SCAF4: variants seen among roughly 807,000 people sequenced by gnomAD.
SCAF4 encodes SR-related CTD associated factor 4.
In SCAF4, 25 loss-of-function variants were observed where a neutral mutation model predicts 129.8. The ratio of observed to expected loss-of-function variants is 0.19; its 90% CI spans 0.14 to 0.27. SCAF4 has a LOEUF of 0.27. SCAF4 is among the 10% of genes least tolerant of loss of function. SCAF4 has a pLI of 1.00. For missense variants in SCAF4, 1,246 were observed against 1,457.1 expected, an observed-to-expected ratio of 0.86 and a Z score of 2.36; for synonymous variants, 551 against 497.7, an observed-to-expected ratio of 1.11 and a Z score of -1.43.
At chr21:31,674,779 A>G (rs972484024) in intron 19 of SCAF4, among the ~76,000 whole-genome samples, 2 of 152,210 alleles carry the variant, frequency 1.3e-5, no homozygotes, top group African/African-American at 2.4e-5. Context: ...TGAGTTTTCT[A>G]AAGTTATAAA....
At chr21:31,682,193 A>C (rs995613695) in intron 19 of SCAF4, among the ~76,000 whole-genome samples, 21 of 152,154 alleles carry the variant, frequency 1.4e-4, no homozygotes, top group Non-Finnish European at 2.4e-4. Context: ...ATCCTGGCCA[A>C]CATGGTGAAA....
At chr21:31,686,241 G>GA (rs1237733319) in intron 16 of SCAF4, among the ~76,000 whole-genome samples, 2 of 144,832 alleles carry the variant, frequency 1.4e-5, no homozygotes, top group Non-Finnish European at 3.0e-5. Context: ...AGGAAAGAAA[G>GA]AAAGAAATCA....
Position 31,701,905 on chromosome 21 carries a change from A to G in SCAF4, c.471T>C (p.Pro157=). 1 of 1,613,720 alleles carries G rather than the reference A, an allele frequency of 6.2e-7. No homozygotes were observed. Among genetic ancestry groups the G allele is most frequent in the South Asian group, 1.1e-5 (1 of 91,008 alleles). Residue 157 remains proline, a synonymous_variant, in exon 6 of 20, where the codon CCT becomes CCC. Transcript: ENST00000286835. ...NVTNNEGSPP[P]PVKVSSEPPT... ...GAGGTTCAGAAGAAACTTTTACTGG[A>G]GGTGGAGGTGAGCCTAAAAAAGAAA... is the stretch of plus-strand genomic sequence containing the variant.
In SCAF4 at chr21:31,696,659, G is replaced by A. The variant is rs1276826578; in HGVS notation, c.869C>T (p.Pro290Leu). The A allele has an allele frequency of 6.2e-7, 1 of 1,613,886 alleles. No individual in the cohort carries two copies. The highest frequency in any genetic ancestry group is 1.3e-5 in the African/African-American group (1 of 74,930). ...GGGTGCAGGGGGTACTGCGGCAGCA[G>A]GTGCTGTCGTGGTGACGGCAGTGGT... ...EDTTAVTTTA[P>L]AAAVPPAPTA... The change falls in exon 8 of 20, where the codon CCT becomes CTT. Residue 290 changes from proline to leucine, a missense_variant. Pro to Leu is a moderately conservative substitution (Grantham distance 98). This residue lies in a region of SCAF4 where 236 missense variants were observed against 210.0 expected (regional missense o/e 1.12). Transcript: ENST00000286835.
chr21:31,672,006 T>TGCTGCGGCG lies in SCAF4; in HGVS notation c.2828_2836dup (p.Pro943_Gln945dup). ...CTGCGGCTGTGGCTGCTGCTGTGGCTGCTGCGGCGGCTGTTGCCTTCCGTC... is the reference window on the plus strand; with the variant it reads ...CTGCGGCTGTGGCTGCTGCTGTGGCTGCTGCGGCGGCTGCGGCGGCTGTTGCCTTCCGTC... On this transcript the variant is annotated inframe_insertion, in exon 20 of 20. Transcript: ENST00000286835. 1 of 1,612,466 alleles carries TGCTGCGGCG rather than the reference T, an allele frequency of 6.2e-7. No individual in the cohort carries two copies. Among genetic ancestry groups the TGCTGCGGCG allele is most frequent in the Non-Finnish European group, 8.5e-7 (1 of 1,178,920 alleles).
At chr21:31,731,409 G>A (rs901102827) in intron 1 of SCAF4, among the ~76,000 whole-genome samples, 1 of 152,212 alleles carries the variant, frequency 6.6e-6, no homozygotes, top group African/African-American at 2.4e-5. Flanking sequence ...ATGGGAGGCC[G>A]CAAGGGGGCG....
At chr21:31,674,949 G>A (rs1568820145) in intron 19 of SCAF4, among the ~76,000 whole-genome samples, 1 of 152,194 alleles carries the variant, frequency 6.6e-6, no homozygotes, top group Non-Finnish European at 1.5e-5. Context: ...GTATAGAGGT[G>A]GGACTCATAA....
At position 31,685,101 on chromosome 21, in the gene SCAF4, A is replaced by G. The variant is rs2050085866; in HGVS notation, c.2436T>C (p.Ala812=). 1 of 1,613,208 alleles carries G rather than the reference A, an allele frequency of 6.2e-7. No homozygotes were observed. Among genetic ancestry groups the G allele is most frequent in the Non-Finnish European group, 8.5e-7 (1 of 1,179,876 alleles). The change falls in exon 19 of 20, where the codon GCT becomes GCC. Residue 812 remains alanine (A), a synonymous_variant. Transcript: ENST00000286835. The part of the protein sequence containing the change: ...VKMYGSAVPP[A]APTNLPTPPV... ...GAGGGGTGGGCAGATTCGTGGGTGC[A>G]GCAGGTGGCACGGCAGAGCCATACA...
At position 31,701,026 on chromosome 21, in the gene SCAF4, G is replaced by C; in HGVS notation, c.746C>G (p.Pro249Arg). Residue 249 changes from proline to arginine, a missense_variant, in exon 7 of 20, where the codon CCC (proline) becomes CGC (arginine). This residue lies in a region of SCAF4 where 143 missense variants were observed against 161.0 expected (regional missense o/e 0.89). Transcript: ENST00000286835. ...TQPSEQKAAFPPPEQKTAFDK... is the reference protein window; with the variant it reads ...TQPSEQKAAFRPPEQKTAFDK... ...AAATGCAGTTTTCTGTTCAGGTGGG[G>C]GGAAAGCAGCTTTTTGTTCAGATGG... 1 of 1,614,080 alleles carries C rather than the reference G, an allele frequency of 6.2e-7. No homozygotes were observed. The highest frequency in any genetic ancestry group is 8.5e-7 in the Non-Finnish European group (1 of 1,180,006).
At position 31,672,056 on chromosome 21, in the gene SCAF4, T is replaced by TGGCCCTGGGCCC. The variant is rs1441187943; in HGVS notation, c.2775_2786dup (p.Pro929_Gly932dup). 1.9e-6 allele frequency: 3 copies of TGGCCCTGGGCCC among 1,613,408 alleles called. No individual in the cohort carries two copies. Among genetic ancestry groups the TGGCCCTGGGCCC allele is most frequent in the Non-Finnish European group, 1.7e-6 (2 of 1,179,608 alleles). Reference sequence around the variant, plus strand: ...CTCTGTCTTCAGGACCCCCTGGGCCTGGCCCTGGGCCCCCGAGCCCTGGCA... The same window carrying TGGCCCTGGGCCC: ...CTCTGTCTTCAGGACCCCCTGGGCCTGGCCCTGGGCCCGGCCCTGGGCCCCCGAGCCCTGGCA... On this transcript the variant is annotated inframe_insertion, in exon 20 of 20. Transcript: ENST00000286835.
At chr21:31,707,505 T>C (rs929619643) in intron 1 of SCAF4, among the ~76,000 whole-genome samples, 3 of 152,222 alleles carry the variant, frequency 2.0e-5, no homozygotes, top group African/African-American at 7.2e-5. Flanking sequence ...GTTATAAAGA[T>C]AAAATCCTGA....
chr21:31,728,646 G>C (rs1031358769), intron 1 of SCAF4, among the ~76,000 whole-genome samples: 15 of 152,048 alleles, frequency 9.9e-5, no homozygotes, highest in African/African-American at 3.6e-4. Flanking sequence ...TATTAAATTA[G>C]ATATGTGTAC....
In SCAF4 at chr21:31,692,373, C is replaced by G; in HGVS notation, c.1590G>C (p.Glu530Asp). ...TQQDVASLLEEFGPIESINMI... is the reference protein window; with the variant it reads ...TQQDVASLLEDFGPIESINMI... Reference sequence around the variant, plus strand: ...CATTAATTGATTCAATTGGACCAAACTCTTCCAAGAGACTGGCAACATCCT... The same window carrying G: ...CATTAATTGATTCAATTGGACCAAAGTCTTCCAAGAGACTGGCAACATCCT... Residue 530 changes from glutamate (E) to aspartate (D), a missense_variant, in exon 13 of 20, where the codon GAG (glutamate) becomes GAC (aspartate). Physicochemically the swap from Glu to Asp is conservative, Grantham distance 45. Transcript: ENST00000286835. 1 of 1,613,890 alleles carries G rather than the reference C, an allele frequency of 6.2e-7. No homozygotes were observed. Among genetic ancestry groups the G allele is most frequent in the Non-Finnish European group, 8.5e-7 (1 of 1,179,812 alleles).
At position 31,685,411 on chromosome 21, in the gene SCAF4, T is replaced by A. The variant is rs765603817; in HGVS notation, c.2283A>T (p.Ile761=). ...AAACATGCTTACAGTTTGGGATGCT[T>A]ATTGGTGGAGTGTGAGGAGGAGGAA... ...VSIPPPHTPP[I]SIPNSTIAGI... The change falls in exon 18 of 20, where the codon ATA becomes ATT. Residue 761 remains isoleucine, a synonymous_variant. Coordinates refer to ENST00000286835, the MANE Select transcript of SCAF4 (RefSeq NM_020706.2). 3 of 1,611,546 alleles carry A rather than the reference T, an allele frequency of 1.9e-6. No individual in the cohort carries two copies. The highest frequency in any genetic ancestry group is 1.3e-5 in the African/African-American group (1 of 74,900).
chr21:31,685,133 C>A lies in SCAF4; in HGVS notation c.2404G>T (p.Val802Leu). Residue 802 changes from valine to leucine, a missense_variant, in exon 19 of 20, where the codon GTG (valine) becomes TTG (leucine). Physicochemically the swap from Val to Leu is conservative, Grantham distance 32. Around this residue, in one of 6 missense-constraint regions of SCAF4, gnomAD observed 468 missense variants for 605.5 expected, o/e 0.77. Coordinates refer to ENST00000286835, the MANE Select transcript of SCAF4 (RefSeq NM_020706.2). ...ARGNAESGDS[V>L]KMYGSAVPPA... ...GGCACGGCAGAGCCATACATTTTCACGCTGTCACCAGACTCGGCGTTTCCT... is the reference window on the plus strand; with the variant it reads ...GGCACGGCAGAGCCATACATTTTCAAGCTGTCACCAGACTCGGCGTTTCCT... 6.2e-7 allele frequency: 1 copy of A among 1,613,034 alleles called. No homozygotes were observed. The highest frequency in any genetic ancestry group is 8.5e-7 in the Non-Finnish European group (1 of 1,179,710).
chr21:31,722,393 C>T (rs182115109), intron 1 of SCAF4, among the ~76,000 whole-genome samples: 2 of 152,176 alleles, frequency 1.3e-5, no homozygotes, highest in Admixed American at 6.5e-5. Context: ...ATAGCTGTGT[C>T]CAATTTTTCT....
At position 31,671,664 on chromosome 21, in the gene SCAF4, T is replaced by C. The variant is rs2049699404; in HGVS notation, c.3179A>G (p.Glu1060Gly). The change falls in exon 20 of 20, where the codon GAG (glutamate) becomes GGG (glycine). Residue 1060 changes from glutamate (E) to glycine (G), a missense_variant. Physicochemically the swap from Glu to Gly is moderately conservative, Grantham distance 98. Transcript: ENST00000286835. ...AGACTCTCTATCTCTAGAATCTCTCTCTCTGTCTCGATGCCCACTAGAGCG... is the reference window on the plus strand; with the variant it reads ...AGACTCTCTATCTCTAGAATCTCTCCCTCTGTCTCGATGCCCACTAGAGCG... ...NRRSSGHRDR[E>G]RDSRDRESRR... is the part of the protein sequence containing the mutation. 6.2e-7 allele frequency: 1 copy of C among 1,613,930 alleles called. No individual in the cohort carries two copies. The highest frequency in any genetic ancestry group is 1.3e-5 in the African/African-American group (1 of 74,906).
In SCAF4 at chr21:31,671,847, C is replaced by A. The variant is rs2049708274; in HGVS notation, c.2996G>T (p.Arg999Met). 1 of 1,614,090 alleles carries A rather than the reference C, an allele frequency of 6.2e-7. No individual in the cohort carries two copies. Among genetic ancestry groups the A allele is most frequent in the African/African-American group, 1.3e-5 (1 of 74,926 alleles). The change falls in exon 20 of 20, where the codon AGG (arginine) becomes ATG (methionine). Residue 999 changes from arginine (R) to methionine (M), a missense_variant. Around this residue, in one of 6 missense-constraint regions of SCAF4, gnomAD observed 339 missense variants for 325.0 expected, o/e 1.04. Coordinates refer to ENST00000286835, the MANE Select transcript of SCAF4 (RefSeq NM_020706.2). ...QQFNSGRDQE[R>M]FGRRSFGNRV... ...ATTTCCAAAAGATCTTCTTCCAAAC[C>A]TTTCTTGGTCTCTACCTGAATTGAA...
At chr21:31,697,993 C>G (rs2050429057) in intron 7 of SCAF4, among the ~76,000 whole-genome samples, 1 of 152,180 alleles carries the variant, frequency 6.6e-6, no homozygotes, top group Non-Finnish European at 1.5e-5. Context: ...TTTTACACTA[C>G]TGAACAGTAA....
Sources: gnomAD v4.1 joint callset for allele counts (sites outside exome capture counted in the v4.1 genomes callset) on GRCh38, gnomAD v4.1.1 for gene constraint, gnomAD v4.1.1 regional missense constraint, MANE v1.5 for transcripts, NCBI Gene and HGNC (gene_info 2026-07-23, HGNC 2026-07-21) for gene names.